TSPEAR: variants seen among roughly 807,000 people sequenced by gnomAD.
TSPEAR encodes the protein thrombospondin-type laminin G domain and EAR repeat-containing protein.
TSPEAR carries 69 observed loss-of-function variants against 71.6 expected under a neutral mutation model. The observed-to-expected ratio is 0.96, with a 90% CI of 0.79 to 1.18. TSPEAR has a LOEUF of 1.18. Ranked by LOEUF, TSPEAR falls within the 50% of genes most tolerant of loss-of-function variation. TSPEAR has a pLI of 0.00. For missense variants in TSPEAR, 971 were observed against 894.9 expected, an observed-to-expected ratio of 1.09 and a Z score of -1.09; for synonymous variants, 402 against 387.2, an observed-to-expected ratio of 1.04 and a Z score of -0.45.
chr21:44,525,667 G>C lies in TSPEAR; in HGVS notation c.1322C>G (p.Ala441Gly). Reference protein sequence around the residue: ...EVDGEHFLAVANHREGDNHNI... With the variant: ...EVDGEHFLAVGNHREGDNHNI... ...TCCTGCCCTACCTTCCCGGTGGTTG[G>C]CCACCGCCAGGAAGTGCTCCCCATC... The change falls in exon 8 of 12, where the codon GCC becomes GGC. Residue 441 changes from alanine (A) to glycine (G), a missense_variant. By Grantham distance (60) the Ala-to-Gly change is moderately conservative. Coordinates refer to ENST00000323084, the MANE Select transcript of TSPEAR (RefSeq NM_144991.3). 1 of 1,613,978 alleles carries C rather than the reference G, an allele frequency of 6.2e-7. No individual in the cohort carries two copies. The highest frequency in any genetic ancestry group is 8.5e-7 in the Non-Finnish European group (1 of 1,179,938).
At chr21:44,694,879 C>A (rs535374377) in intron 1 of TSPEAR, among the ~76,000 whole-genome samples, 1 of 152,186 alleles carries the variant, frequency 6.6e-6, no homozygotes, top group Non-Finnish European at 1.5e-5. Context: ...GCATGAAGAT[C>A]GAATAAACCT....
intron 3 of TSPEAR, among the ~76,000 whole-genome samples, chr21:44,531,480 C>T (rs587717804): frequency 3.0e-4 from 45 of 152,284 alleles, no homozygotes; most frequent in Admixed American, 1.3e-3. Context: ...GAGCAGGGCC[C>T]GCCTCACTCC....
intron 1 of TSPEAR, among the ~76,000 whole-genome samples, chr21:44,625,763 C>T (rs1982733200): frequency 6.6e-6 from 1 of 152,254 alleles, no homozygotes; most frequent in Admixed American, 6.5e-5. Flanking sequence ...CTGGCCACTG[C>T]TGCACCTTCT....
At chr21:44,588,570 T>C (rs1315889494) in intron 1 of TSPEAR, among the ~76,000 whole-genome samples, 5 of 151,752 alleles carry the variant, frequency 3.3e-5, no homozygotes, top group African/African-American at 1.2e-4. Flanking sequence ...AAAAGATACT[T>C]GCTCACGCAT....
At position 44,529,909 on chromosome 21, in the gene TSPEAR, G is replaced by C. The variant is rs2052932909; in HGVS notation, c.679C>G (p.Pro227Ala). 2 of 1,611,858 alleles carry C rather than the reference G, an allele frequency of 1.2e-6. No homozygotes were observed. Among genetic ancestry groups the C allele is most frequent in the African/African-American group, 1.3e-5 (1 of 75,038 alleles). Residue 227 changes from proline to alanine, a missense_variant, in exon 5 of 12, where the codon CCA becomes GCA. Physicochemically the swap from Pro to Ala is conservative, Grantham distance 27. Coordinates refer to ENST00000323084, the MANE Select transcript of TSPEAR (RefSeq NM_144991.3). ...GCGTTCCTGCTGGGACACAGCCTTGGGGTGGCGTCTGAGCCCGGCAGCAGG... is the reference window on the plus strand; with the variant it reads ...GCGTTCCTGCTGGGACACAGCCTTGCGGTGGCGTCTGAGCCCGGCAGCAGG... ...LVLLPGSDAT[P>A]RLCPSRNAPL...
Position 44,563,092 on chromosome 21 carries a change from G to A in TSPEAR, c.303+4693C>T, listed in dbSNP as rs150947829. 6.7e-3 allele frequency among the ~76,000 whole-genome samples: 1,021 copies of A among 152,174 alleles called. 9 individuals are homozygous for A. Among genetic ancestry groups the A allele is most frequent in the South Asian group, 8.3e-3 (40 of 4,822 alleles). On this transcript the variant is annotated intron_variant, in intron 2 of 11. Coordinates refer to ENST00000323084, the MANE Select transcript of TSPEAR (RefSeq NM_144991.3). The stretch of plus-strand genomic sequence containing the variant: ...ATATATTTGGCAATAATAATACAAA[G>A]GAGGTACATGGAAACAAAGCTATAT...
At chr21:44,527,631 C>A (rs1239159794) in intron 6 of TSPEAR, 113 bp from the exon 7 acceptor site, 3 of 1,000,274 alleles carry the variant, frequency 3.0e-6, no homozygotes, top group Non-Finnish European at 4.5e-6. Flanking sequence ...ACTCCTGCGC[C>A]TCAGCCTCGG....
At chr21:44,651,022 G>T (rs1047408421) in intron 1 of TSPEAR, among the ~76,000 whole-genome samples, 1 of 152,200 alleles carries the variant, frequency 6.6e-6, no homozygotes, top group Non-Finnish European at 1.5e-5. Context: ...CACCAGGGGT[G>T]GACTCAGGCT....
chr21:44,557,591 C>T (rs993461819), intron 2 of TSPEAR, among the ~76,000 whole-genome samples: 1 of 152,120 alleles, frequency 6.6e-6, no homozygotes, highest in African/African-American at 2.4e-5. Context: ...GAGAAGCACC[C>T]CCGGGGCCTG....
At chr21:44,668,622 A>C (rs1985907729) in intron 1 of TSPEAR, among the ~76,000 whole-genome samples, 1 of 152,216 alleles carries the variant, frequency 6.6e-6, no homozygotes, top group African/African-American at 2.4e-5. Flanking sequence ...GAGGAGTCAC[A>C]CTTTCTGATT....
rs782489209 is a variant in TSPEAR at position 44,539,575 on chromosome 21, G to A, written c.304-5652C>T. 2.7e-4 allele frequency: 432 copies of A among 1,613,414 alleles called. 6 individuals are homozygous for A. Among genetic ancestry groups the A allele is most frequent in the South Asian group, 2.3e-3 (205 of 91,012 alleles). On this transcript the variant is annotated intron_variant, in intron 2 of 11. Coordinates refer to ENST00000323084, the MANE Select transcript of TSPEAR (RefSeq NM_144991.3). Reference sequence around the variant, plus strand: ...GCACACAGCAGATGGGCTTGCAGCAGACAGGCTTGCAACGGACGGGCACGC... The same window carrying A: ...GCACACAGCAGATGGGCTTGCAGCAAACAGGCTTGCAACGGACGGGCACGC...
At chr21:44,594,499 A>G (rs1468565485) in intron 1 of TSPEAR, among the ~76,000 whole-genome samples, 2 of 152,180 alleles carry the variant, frequency 1.3e-5, no homozygotes, top group Admixed American at 1.3e-4. Flanking sequence ...TCTCACTTTC[A>G]CTGTTCTTCA....
chr21:44,613,750 G>A (rs1308149883), intron 1 of TSPEAR, among the ~76,000 whole-genome samples: 1 of 152,216 alleles, frequency 6.6e-6, no homozygotes. Context: ...GCATCATGGG[G>A]TGGGTGGAGG....
chr21:44,611,599 G>C (rs1244146212), intron 1 of TSPEAR, among the ~76,000 whole-genome samples: 1 of 152,156 alleles, frequency 6.6e-6, no homozygotes, highest in Admixed American at 6.5e-5. Flanking sequence ...GGTAGGGGTG[G>C]CAGGGTGGGG....
chr21:44,640,878 G>A (rs1479448313), intron 1 of TSPEAR, among the ~76,000 whole-genome samples: 1 of 152,106 alleles, frequency 6.6e-6, no homozygotes, highest in African/African-American at 2.4e-5. Flanking sequence ...GAGTTCTGAA[G>A]AAGAGCCATT....
chr21:44,702,661 G>T (rs1292005001), intron 1 of TSPEAR: 3 of 1,571,058 alleles, frequency 1.9e-6, no homozygotes, highest in East Asian at 4.5e-5. Context: ...CTGCATGCCC[G>T]TCCCCTCCTG....
intron 1 of TSPEAR, among the ~76,000 whole-genome samples, chr21:44,703,561 G>A (rs1987760556): frequency 6.6e-6 from 1 of 152,224 alleles, no homozygotes; most frequent in Non-Finnish European, 1.5e-5. Context: ...AGGTGGGCTG[G>A]GGTGGGGCCT....
At chr21:44,615,214 C>T (rs1981996785) in intron 1 of TSPEAR, among the ~76,000 whole-genome samples, 1 of 152,254 alleles carries the variant, frequency 6.6e-6, no homozygotes, top group Non-Finnish European at 1.5e-5. Context: ...CCTAAATATC[C>T]ATCCACGAGG....
At chr21:44,525,623 C>T in intron 8 of TSPEAR, 30 bp downstream of exon 8, 2 of 1,609,630 alleles carry the variant, frequency 1.2e-6, no homozygotes, top group African/African-American at 2.7e-5. Context: ...GAATGGTTGC[C>T]TCCCGGTGTG....
Sources: allele counts gnomAD v4.1 joint callset (sites outside exome capture counted in the v4.1 genomes callset), GRCh38; gene constraint gnomAD v4.1.1; transcripts MANE v1.5; gene names NCBI Gene and HGNC (gene_info 2026-07-23, HGNC 2026-07-21).